The following FAM209A variants were observed in gnomAD, a reference collection of about 807,000 sequenced individuals.
FAM209A encodes the protein family with sequence similarity 209 member A.
Under a neutral mutation model 9.8 loss-of-function variants are expected in FAM209A, and 4 were observed. The ratio of observed to expected loss-of-function variants is 0.41; its 90% confidence interval spans 0.20 to 0.94. The LOEUF (loss-of-function observed/expected upper bound fraction) is 0.94. Among genes scored for constraint, FAM209A ranks in the 40% least tolerant of loss-of-function variants. FAM209A has a pLI of 0.32. For missense variants in FAM209A, 205 were observed against 209.4 expected (o/e 0.98, Z 0.13); for synonymous variants, 55 against 77.8 (o/e 0.71, Z 1.54).
Position 56,525,057 on chromosome 20 carries a change from G to A in FAM209A, c.249G>A (p.Lys83=). The change falls in exon 1 of 2, where the codon AAG becomes AAA. Residue 83 remains lysine (K), a splice_region_variant and synonymous_variant. Transcript: ENST00000371328. ...LQCQRDSEKN[K]EQSPPGLRGG... is the part of the protein sequence containing the mutation. Reference sequence around the variant, plus strand: ...GTCAAAGAGACAGTGAGAAGAATAAGGTAAGGATGGCTCCATTTTTTTTAC... The same window carrying A: ...GTCAAAGAGACAGTGAGAAGAATAAAGTAAGGATGGCTCCATTTTTTTTAC... 1.2e-6 allele frequency: 2 copies of A among 1,613,352 alleles called. No individual in the cohort carries two copies. Among genetic ancestry groups the A allele is most frequent in the Non-Finnish European group, 1.7e-6 (2 of 1,179,562 alleles).
downstream of FAM209A, among the ~76,000 whole-genome samples, chr20:56,529,579 A>C (rs766643003): frequency 2.2e-4 from 34 of 152,236 alleles, no homozygotes; most frequent in Non-Finnish European, 4.9e-4. Context: ...CTATAATCCC[A>C]GCATTTTGGG....
Position 56,525,029 on chromosome 20 carries a change from A to G in FAM209A, c.221A>G (p.Gln74Arg), listed in dbSNP as rs764398760. ...GTTGTTGTGCCGTTTGTGATACTGCAGTGTCAAAGAGACAGTGAGAAGAAT... is the reference window on the plus strand; with the variant it reads ...GTTGTTGTGCCGTTTGTGATACTGCGGTGTCAAAGAGACAGTGAGAAGAAT... ...LFVVVPFVILQCQRDSEKNKE... is the reference protein window; with the variant it reads ...LFVVVPFVILRCQRDSEKNKE... The change falls in exon 1 of 2, where the codon CAG becomes CGG. Residue 74 changes from glutamine to arginine, a missense_variant. Coordinates refer to ENST00000371328, the MANE Select transcript of FAM209A (RefSeq NM_001012971.4). The G allele has an allele frequency of 1.9e-6, 3 of 1,614,196 alleles. No homozygotes were observed. The highest frequency in any genetic ancestry group is 2.2e-5 in the South Asian group (2 of 91,084).
the FAM209A span, among the ~76,000 whole-genome samples, chr20:56,531,346 T>C: frequency 2.0e-5 from 3 of 151,072 alleles, no homozygotes; most frequent in Non-Finnish European, 4.4e-5. Context: ...TTGCCCAGGC[T>C]GGAGTGCAAT....
Position 56,524,963 on chromosome 20 carries a change from C to T in FAM209A, c.155C>T (p.Thr52Ile). The change falls in exon 1 of 2, where the codon ACC becomes ATC. Residue 52 changes from threonine to isoleucine, a missense_variant. Thr to Ile is a moderately conservative substitution (Grantham distance 89). Coordinates refer to ENST00000371328, the MANE Select transcript of FAM209A (RefSeq NM_001012971.4). ...ATTCGGCAGAATCTACCAGAGCACA[C>T]CCAAGGCTGGCTTGGGAGCAAATGG... ...FRIRQNLPEH[T>I]QGWLGSKWLW... 6.2e-7 allele frequency: 1 copy of T among 1,614,182 alleles called. No individual in the cohort carries two copies. Among genetic ancestry groups the T allele is most frequent in the Non-Finnish European group, 8.5e-7 (1 of 1,180,046 alleles).
downstream of FAM209A, among the ~76,000 whole-genome samples, chr20:56,530,048 T>A (rs906349919): frequency 1.3e-5 from 2 of 151,312 alleles, no homozygotes; most frequent in Non-Finnish European, 3.0e-5. Context: ...AAAAATCCAC[T>A]CAACCACCCA....
downstream of FAM209A, among the ~76,000 whole-genome samples, chr20:56,526,863 T>G (rs1985551348): frequency 6.6e-6 from 1 of 152,172 alleles, no homozygotes; most frequent in African/African-American, 2.4e-5. Flanking sequence ...GCCTAGGAGT[T>G]TGAAACCACC....
the FAM209A span, chr20:56,533,112 C>T: frequency 7.1e-7 from 1 of 1,400,556 alleles, no homozygotes; most frequent in South Asian, 1.6e-5. Context: ...TCGTGCCTAT[C>T]CTCTCTCTCT....
rs1054358 is a variant in FAM209A, at chr20:56,525,957, C to G, written c.403C>G (p.Arg135Gly). The change falls in exon 2 of 2, where the codon CGT becomes GGT. Residue 135 changes from arginine to glycine, a missense_variant. Arg to Gly is a moderately radical substitution (Grantham distance 125, BLOSUM62 -2). Transcript: ENST00000371328. ...TGTGTCCAAAGTGCGGAATCTTAAA[C>G]GTGCCATGGCAACAGGTAGTGGCAG... ...KFVSKVRNLK[R>G]AMATGSGSNL... 2.7e-5 allele frequency: 43 copies of G among 1,614,172 alleles called. No individual in the cohort carries two copies. The South Asian group carries it at 4.7e-4, about 18-fold the overall frequency.
the FAM209A span, among the ~76,000 whole-genome samples, chr20:56,531,825 T>C: frequency 6.6e-6 from 1 of 151,094 alleles, no homozygotes; most frequent in South Asian, 2.1e-4. Flanking sequence ...GGGGTCTCGC[T>C]ATGTTAGCCA....
At chr20:56,527,255 G>A (rs1286663465), downstream of FAM209A, among the ~76,000 whole-genome samples, 1 of 151,106 alleles carries the variant, frequency 6.6e-6, no homozygotes, top group Admixed American at 6.6e-5. Flanking sequence ...TCCCACCTTT[G>A]GCGTTAGGAG....
chr20:56,525,635 C>T (rs1394407090), intron 1 of FAM209A, 169 bp from the exon 2 acceptor site: 11 of 697,462 alleles, frequency 1.6e-5, no homozygotes, highest in Non-Finnish European at 2.7e-5. Flanking sequence ...CTGATGAGAG[C>T]AGGGATCGGC....
At chr20:56,528,239 C>T (rs1985620008), downstream of FAM209A, among the ~76,000 whole-genome samples, 1 of 151,880 alleles carries the variant, frequency 6.6e-6, no homozygotes, top group Admixed American at 6.6e-5. Context: ...GCCATGATTG[C>T]ACCGTAGTGC....
downstream of FAM209A, among the ~76,000 whole-genome samples, chr20:56,527,651 G>A (rs1985593853): frequency 6.6e-6 from 1 of 152,220 alleles, no homozygotes; most frequent in Admixed American, 6.5e-5. Context: ...TGAGGCAGGA[G>A]GCCATGGCTT....
the FAM209A span, among the ~76,000 whole-genome samples, chr20:56,532,464 CTTTCT>C: frequency 7.5e-6 from 1 of 134,054 alleles, no homozygotes; most frequent in African/African-American, 3.1e-5. Context: ...ATTTTCTTTT[CTTTCT>C]TTTTCTTTTT....
the FAM209A span, among the ~76,000 whole-genome samples, chr20:56,531,272 A>G: frequency 4.0e-5 from 6 of 149,012 alleles, no homozygotes; most frequent in Non-Finnish European, 7.4e-5. Flanking sequence ...TCCTGTTCTT[A>G]TCACAATTGT....
downstream of FAM209A, among the ~76,000 whole-genome samples, chr20:56,528,262 G>A (rs375076099): frequency 2.0e-5 from 3 of 151,912 alleles, no homozygotes; most frequent in East Asian, 1.9e-4. Flanking sequence ...CAGCCTGGGT[G>A]GTGGCGTGAG....
chr20:56,533,435 C>A, the FAM209A span: 1 of 1,612,890 alleles, frequency 6.2e-7, no homozygotes, highest in South Asian at 1.1e-5. Context: ...AACTAGCGAA[C>A]CCCAGGGGAA....
In FAM209A at chr20:56,526,018, AT is replaced by A; in HGVS notation, c.465del (p.Pro156HisfsTer30). 1 of 1,613,964 alleles carries A rather than the reference AT, an allele frequency of 6.2e-7. No individual in the cohort carries two copies. The highest frequency in any genetic ancestry group is 1.1e-5 in the South Asian group (1 of 91,024). ...CTTCGAAAGTCAGAGATGCCTGCAG[AT>A]CCATACCATGTCACGATCTGTGAAA... ...LRLRKSEMPA[D>X]PYHVTICEIW... On this transcript the variant is annotated frameshift_variant, in exon 2 of 2. Coordinates refer to ENST00000371328, the MANE Select transcript of FAM209A (RefSeq NM_001012971.4). LOFTEE classifies it low-confidence loss of function (END_TRUNC).
downstream of FAM209A, among the ~76,000 whole-genome samples, chr20:56,526,589 G>A (rs376172726): frequency 4.0e-5 from 6 of 151,656 alleles, no homozygotes; most frequent in South Asian, 4.1e-4. Context: ...CAAAGGTTCC[G>A]TGTATATTGA....
Sources: allele counts gnomAD v4.1 joint callset (sites outside exome capture counted in the v4.1 genomes callset), GRCh38; gene constraint gnomAD v4.1.1; transcripts MANE v1.5; gene names NCBI Gene and HGNC (gene_info 2026-07-23, HGNC 2026-07-21).